UGGT2: variants seen among roughly 807,000 people sequenced by gnomAD.
UGGT2 encodes UDP-glucose glycoprotein glucosyltransferase 2, also known as UDP-glucose:glycoprotein glucosyltransferase 2.
UGGT2 carries 180 observed loss-of-function variants against 192.1 expected under a neutral mutation model. The ratio of observed to expected loss-of-function variants is 0.94; its 90% CI spans 0.83 to 1.06. The LOEUF (loss-of-function observed/expected upper bound fraction) is 1.06, where lower values mean the gene tolerates loss of function less well. UGGT2 is among the 50% of genes least tolerant of loss of function. The pLI, the probability that UGGT2 is intolerant of heterozygous loss-of-function variation, is 0.00. For synonymous variants in UGGT2, 580 were observed against 591.0 expected, an observed-to-expected ratio of 0.98 and a Z score of 0.27; for missense variants, 1,849 against 1,795.7, an observed-to-expected ratio of 1.03 and a Z score of -0.54.
At chr13:95,856,091 CT>C in intron 34 of UGGT2, 66 bp downstream of exon 34, 1 of 1,251,298 alleles carries the variant, frequency 8.0e-7, no homozygotes, top group Non-Finnish European at 1.1e-6. Flanking sequence ...ATGAATTAAT[CT>C]CTATATTAAG....
chr13:96,023,784 T>C (rs200786760), intron 2 of UGGT2, 25 bp from the exon 3 acceptor site: 4 of 1,562,840 alleles, frequency 2.6e-6, no homozygotes, highest in African/African-American at 2.7e-5. Flanking sequence ...CAAAAGAAAA[T>C]AAATGTTAGC....
At chr13:95,988,904 C>G (rs2051372819) in intron 8 of UGGT2, among the ~76,000 whole-genome samples, 1 of 152,110 alleles carries the variant, frequency 6.6e-6, no homozygotes, top group Non-Finnish European at 1.5e-5. Flanking sequence ...TGAAAGGACT[C>G]TGTAAACTAT....
intron 11 of UGGT2, among the ~76,000 whole-genome samples, chr13:95,970,755 T>C (rs116007414): frequency 1.4e-3 from 218 of 152,248 alleles, no homozygotes; most frequent in African/African-American, 4.8e-3. Flanking sequence ...ATAGAAAGTA[T>C]TACTGTAAAC....
rs573714727 is a variant in UGGT2 at position 95,934,003 on chromosome 13, A to G, written c.1977+2921T>C. The stretch of plus-strand genomic sequence containing the variant: ...CTGGTGATAGTTCTAAATTTTTGAG[A>G]TAGGTGGTTAGCACTATAACTCTGA... On this transcript the variant is annotated intron_variant, in intron 17 of 38. Coordinates refer to ENST00000376747, the MANE Select transcript of UGGT2 (RefSeq NM_020121.4). Among the ~76,000 whole-genome samples the G allele has an allele frequency of 3.8e-4, 58 of 152,278 alleles. 1 individual carries two copies. Among genetic ancestry groups the G allele is most frequent in the African/African-American group, 1.4e-3 (58 of 41,550 alleles).
chr13:95,825,575 G>A (rs1333914627), intron 38 of UGGT2, among the ~76,000 whole-genome samples: 1 of 152,156 alleles, frequency 6.6e-6, no homozygotes, highest in African/African-American at 2.4e-5. Context: ...TACCTCTCCT[G>A]CGGCAATGCA....
chr13:95,895,985 C>G (rs1462997241), intron 22 of UGGT2, among the ~76,000 whole-genome samples: 1 of 151,978 alleles, frequency 6.6e-6, no homozygotes. Context: ...CAGAATGGCT[C>G]TCCCATCACA....
chr13:96,030,095 G>C (rs2052787999), intron 2 of UGGT2, among the ~76,000 whole-genome samples: 1 of 152,148 alleles, frequency 6.6e-6, no homozygotes, highest in Non-Finnish European at 1.5e-5. Flanking sequence ...ATTACTAAGT[G>C]ATCGAGGTTC....
At chr13:95,906,504 T>C (rs1052610614) in intron 20 of UGGT2, among the ~76,000 whole-genome samples, 3 of 152,162 alleles carry the variant, frequency 2.0e-5, no homozygotes, top group Admixed American at 1.3e-4. Flanking sequence ...TGCCAACATA[T>C]GCATTATAGA....
rs145243293 is a variant in UGGT2 at position 95,877,173 on chromosome 13, C to A, written c.3473+106G>T. 1,493 of 974,106 alleles carry A rather than the reference C, an allele frequency of 1.5e-3. 6 individuals carry two copies. The highest frequency in any genetic ancestry group is 0.013 in the Middle Eastern group (43 of 3,364). The allele number at this position is 974,106 out of a possible 1,614,324, so 60.3% of individuals were successfully genotyped here. On this transcript the variant is annotated intron_variant, in intron 29 of 38. Transcript: ENST00000376747. ...TTGGGATTACAGGCTTGAGCCACTG[C>A]GCCAGGCCAATCTTAACATTTTAAT... is the stretch of plus-strand genomic sequence containing the variant.
intron 4 of UGGT2, among the ~76,000 whole-genome samples, chr13:96,019,125 G>C (rs1454404152): frequency 2.1e-4 from 5 of 23,820 alleles, no homozygotes; most frequent in Non-Finnish European, 4.7e-4. Flanking sequence ...TACATAGCGG[G>C]GGGGGGGGGG....
intron 2 of UGGT2, among the ~76,000 whole-genome samples, chr13:96,024,295 G>A (rs73545110): frequency 0.016 from 2,414 of 152,166 alleles, 65 homozygotes; most frequent in African/African-American, 0.056. Context: ...CCTGAGCTGC[G>A]AGTTGCCTAC....
At chr13:95,965,609 G>A (rs1254933694) in intron 12 of UGGT2, among the ~76,000 whole-genome samples, 1 of 138,716 alleles carries the variant, frequency 7.2e-6, no homozygotes, top group African/African-American at 2.6e-5. Context: ...GGGGGAGGGG[G>A]GAGGAATAGC....
chr13:95,856,388 TTTTG>T (rs762507596), intron 33 of UGGT2, 48 bp from the exon 34 acceptor site: 51 of 1,565,190 alleles, frequency 3.3e-5, no homozygotes, highest in South Asian at 1.4e-4. Context: ...GAGAAAGTAG[TTTTG>T]TTTTAGAGAA....
At chr13:95,807,022 T>C (rs1884340467) in intron 38 of UGGT2, among the ~76,000 whole-genome samples, 2 of 152,172 alleles carry the variant, frequency 1.3e-5, no homozygotes, top group Non-Finnish European at 2.9e-5. Context: ...ACTAAACCCC[T>C]GCACAGTTGA....
At chr13:95,867,521 A>G in intron 29 of UGGT2, 98 bp from the exon 30 acceptor site, 1 of 889,830 alleles carries the variant, frequency 1.1e-6, no homozygotes, top group South Asian at 1.6e-5. Flanking sequence ...ACGTAAGTCC[A>G]ATAACACTAG....
chr13:95,994,728 G>A (rs562976696), intron 7 of UGGT2, among the ~76,000 whole-genome samples: 3 of 151,902 alleles, frequency 2.0e-5, no homozygotes, highest in East Asian at 1.9e-4. Flanking sequence ...TACTACTTTC[G>A]AATATGGGAA....
chr13:95,900,718 G>A (rs2048080426), intron 22 of UGGT2, 89 bp downstream of exon 22: 1 of 1,383,258 alleles, frequency 7.2e-7, no homozygotes, highest in Non-Finnish European at 9.6e-7. Flanking sequence ...GTGTGTGTCA[G>A]TCACATCAGG....
At chr13:95,953,539 G>A (rs943002294) in intron 12 of UGGT2, among the ~76,000 whole-genome samples, 2 of 152,104 alleles carry the variant, frequency 1.3e-5, no homozygotes, top group African/African-American at 2.4e-5. Context: ...TGGAAAAGGA[G>A]GAAACTGGTT....
intron 38 of UGGT2, among the ~76,000 whole-genome samples, chr13:95,804,289 A>T (rs1021320645): frequency 6.6e-6 from 1 of 152,184 alleles, no homozygotes; most frequent in Admixed American, 6.5e-5. Context: ...ATAACAAAAA[A>T]TTGCTGAGAG....
Sources: allele counts gnomAD v4.1 joint callset (sites outside exome capture counted in the v4.1 genomes callset), GRCh38; gene constraint gnomAD v4.1.1; transcripts MANE v1.5; gene names NCBI Gene and HGNC (gene_info 2026-07-23, HGNC 2026-07-21).